Variants in COG7 observed in about 807,000 individuals in gnomAD.
The protein encoded by COG7 is component of oligomeric golgi complex 7.
COG7 carries 49 observed loss-of-function variants against 91.5 expected under a neutral mutation model. That is an observed-to-expected ratio of 0.54 (90% CI 0.43 to 0.68). The LOEUF (loss-of-function observed/expected upper bound fraction) is 0.68, where lower values mean the gene tolerates loss of function less well. Among genes scored for constraint, COG7 ranks in the 30% least tolerant of loss-of-function variants. The pLI, the probability that COG7 is intolerant of heterozygous loss-of-function variation, is 0.00. For synonymous variants in COG7, 365 were observed against 388.7 expected, an observed-to-expected ratio of 0.94 and a Z score of 0.72; for missense variants, 895 against 961.3, an observed-to-expected ratio of 0.93 and a Z score of 0.91.
intron 13 of COG7, among the ~76,000 whole-genome samples, chr16:23,402,875 A>G (rs933647771): frequency 3.3e-5 from 5 of 152,244 alleles, no homozygotes; most frequent in African/African-American, 7.2e-5. Context: ...ACCATGCAGG[A>G]GCCCTGGACT....
At chr16:23,391,596 G>A (rs902143177) in intron 16 of COG7, among the ~76,000 whole-genome samples, 1 of 152,222 alleles carries the variant, frequency 6.6e-6, no homozygotes, top group Admixed American at 6.5e-5. Flanking sequence ...CAGCCCTGTG[G>A]TCACTGAGGA....
chr16:23,443,706 TA>T (rs1964137788), intron 3 of COG7, among the ~76,000 whole-genome samples: 1 of 151,256 alleles, frequency 6.6e-6, no homozygotes, highest in Non-Finnish European at 1.5e-5. Context: ...AATAAATAAA[TA>T]AAAGATAGAT....
At chr16:23,444,084 G>A (rs1964144443) in intron 3 of COG7, among the ~76,000 whole-genome samples, 1 of 151,818 alleles carries the variant, frequency 6.6e-6, no homozygotes, top group South Asian at 2.1e-4. Context: ...CCCAGGAAGT[G>A]GAGGTATCAT....
At chr16:23,451,284 T>C (rs1026042752) in intron 1 of COG7, among the ~76,000 whole-genome samples, 5 of 152,218 alleles carry the variant, frequency 3.3e-5, no homozygotes, top group African/African-American at 1.2e-4. Flanking sequence ...CATCTGAGCC[T>C]AGGAGAGAGA....
At position 23,413,704 on chromosome 16, in the gene COG7, G is replaced by A; in HGVS notation, c.1293-140C>T. 5.8e-6 allele frequency: 4 copies of A among 689,958 alleles called. No homozygotes were observed. The South Asian group carries it at 6.2e-5, about 11-fold the overall frequency. The allele number at this position is 689,958 out of a possible 1,614,324, so 42.7% of individuals were successfully genotyped here. A position where few individuals can be genotyped will look rare whatever the true frequency, so the allele number is the denominator to read the frequency against. On this transcript the variant is annotated intron_variant, in intron 9 of 16. Transcript: ENST00000307149. ...GAGGCTCCCACCGACGAGTGAAACT[G>A]CTTGTAAACCTCTGAACACAAAAAG... is the stretch of plus-strand genomic sequence containing the variant.
intron 14 of COG7, among the ~76,000 whole-genome samples, chr16:23,397,298 T>A (rs1357420687): frequency 6.6e-6 from 1 of 152,236 alleles, no homozygotes; most frequent in Non-Finnish European, 1.5e-5. Flanking sequence ...GGCAAGAGCG[T>A]AAGGCAGAAA....
In COG7 at chr16:23,443,455, G is replaced by A. The variant is rs939951472; in HGVS notation, c.436-810C>T. Among the ~76,000 whole-genome samples the A allele has an allele frequency of 3.3e-5, 5 of 152,220 alleles. No individual in the cohort carries two copies. In the East Asian group the frequency reaches 5.8e-4, roughly 18 times the overall value. ...CCCCTGTAATCCCAGCACTTTGGGA[G>A]GCCAAGGCTGAAGGATCACCTGAGG... On this transcript the variant is annotated intron_variant, in intron 3 of 16. Coordinates refer to ENST00000307149, the MANE Select transcript of COG7 (RefSeq NM_153603.4).
At chr16:23,405,230 G>A (rs1963440116) in intron 12 of COG7, among the ~76,000 whole-genome samples, 1 of 152,238 alleles carries the variant, frequency 6.6e-6, no homozygotes, top group Non-Finnish European at 1.5e-5. Context: ...ATGGTCCCAT[G>A]TGGAAGAACT....
intron 13 of COG7, 69 bp from the exon 14 acceptor site, chr16:23,398,198 A>G: frequency 7.9e-7 from 1 of 1,260,040 alleles, no homozygotes; most frequent in East Asian, 2.3e-5. Context: ...CCACCCAGAA[A>G]TACACAAGAA....
At position 23,417,096 on chromosome 16, in the gene COG7, A is replaced by G. The variant is rs763049776; in HGVS notation, c.1163T>C (p.Val388Ala). The change falls in exon 9 of 17, where the codon GTG (valine) becomes GCG (alanine). Residue 388 changes from valine (V) to alanine (A), a missense_variant. Coordinates refer to ENST00000307149, the MANE Select transcript of COG7 (RefSeq NM_153603.4). Reference sequence around the variant, plus strand: ...GTTCACGGAGTGGCTCAGCTCCTGCACACAGTCAATCACTTCCCCATGCTC... The same window carrying G: ...GTTCACGGAGTGGCTCAGCTCCTGCGCACAGTCAATCACTTCCCCATGCTC... Reference protein sequence around the residue: ...PLEHGEVIDCVQELSHSVNKL... With the variant: ...PLEHGEVIDCAQELSHSVNKL... The G allele has an allele frequency of 6.2e-7, 1 of 1,614,224 alleles. No homozygotes were observed. Among genetic ancestry groups the G allele is most frequent in the South Asian group, 1.1e-5 (1 of 91,078 alleles).
chr16:23,427,746 C>CAGG (rs1963871657), intron 6 of COG7, among the ~76,000 whole-genome samples: 1 of 152,172 alleles, frequency 6.6e-6, no homozygotes, highest in African/African-American at 2.4e-5. Flanking sequence ...GTTACCAGGT[C>CAGG]CTAACAACTG....
intron 13 of COG7, 115 bp downstream of exon 13, chr16:23,403,579 G>C: frequency 7.3e-7 from 1 of 1,365,878 alleles, no homozygotes; most frequent in Non-Finnish European, 1.0e-6. Flanking sequence ...GCTTGGGAAA[G>C]TTAAAGCGGG....
At chr16:23,393,598 C>T in intron 14 of COG7, 1 of 518,758 alleles carries the variant, frequency 1.9e-6, no homozygotes, top group East Asian at 3.4e-5. Flanking sequence ...ATGCATTCAA[C>T]ACAATCTCTA....
intron 13 of COG7, among the ~76,000 whole-genome samples, chr16:23,400,102 T>C (rs1467231282): frequency 6.6e-6 from 1 of 152,180 alleles, no homozygotes; most frequent in Non-Finnish European, 1.5e-5. Flanking sequence ...ATGGAGTTCC[T>C]TATACTCTTC....
At chr16:23,418,614 C>A in intron 8 of COG7, 86 bp downstream of exon 8, 2 of 1,310,092 alleles carry the variant, frequency 1.5e-6, no homozygotes, top group Non-Finnish European at 2.2e-6. Flanking sequence ...CACCCCGGAT[C>A]CCAACCCCCA....
Position 23,388,929 on chromosome 16 carries a change from C to T in COG7, c.2304G>A (p.Val768=), listed in dbSNP as rs1218532996. The change falls in exon 17 of 17, where the codon GTG becomes GTA. Residue 768 remains valine, a synonymous_variant. Transcript: ENST00000307149. The stretch of plus-strand genomic sequence containing the variant: ...CCGGTGTGTGGTGGGGTCAGTAATT[C>T]ACACTCCGCATGGTGGCCACGGTGG... ...LATTVATMRS[V]NY 6 of 1,613,986 alleles carry T rather than the reference C, an allele frequency of 3.7e-6. No individual in the cohort carries two copies. The highest frequency in any genetic ancestry group is 5.1e-6 in the Non-Finnish European group (6 of 1,180,004).
rs1051456218 is a variant in COG7, at chr16:23,423,735, C to T, written c.1009+1014G>A. ...ATAAACCAAGTCAGTGACACACAGC[C>T]GCCGAACAGCAGAACAAGGCCTTCC... On this transcript the variant is annotated intron_variant, in intron 7 of 16. Transcript: ENST00000307149. 4.6e-5 allele frequency among the ~76,000 whole-genome samples: 7 copies of T among 152,302 alleles called. No homozygotes were observed. The East Asian group carries it at 5.8e-4, about 13-fold the overall frequency.
intron 10 of COG7, among the ~76,000 whole-genome samples, chr16:23,410,851 G>A (rs182996714): frequency 3.7e-4 from 57 of 152,114 alleles, no homozygotes; most frequent in African/African-American, 1.2e-3. Flanking sequence ...GATTACAGGC[G>A]CACGCCACCA....
intron 5 of COG7, among the ~76,000 whole-genome samples, chr16:23,434,402 T>C (rs1471223916): frequency 6.6e-6 from 1 of 152,180 alleles, no homozygotes; most frequent in Non-Finnish European, 1.5e-5. Flanking sequence ...AAGTCTATAA[T>C]GAATCCAGCT....
Sources: allele counts gnomAD v4.1 joint callset (sites outside exome capture counted in the v4.1 genomes callset), GRCh38; gene constraint gnomAD v4.1.1; transcripts MANE v1.5; gene names NCBI Gene and HGNC (gene_info 2026-07-23, HGNC 2026-07-21).